The following HECW2 variants were observed in gnomAD, a reference collection of about 807,000 sequenced individuals.
The protein encoded by HECW2 is HECT, C2 and WW domain containing E3 ubiquitin protein ligase 2, also known as E3 ubiquitin-protein ligase HECW2.
Under a neutral mutation model 175.2 loss-of-function variants are expected in HECW2, and 61 were observed. That is an observed-to-expected ratio of 0.35 (90% CI 0.28 to 0.43). HECW2 has a LOEUF of 0.43. HECW2 is among the 20% of genes least tolerant of loss of function. HECW2 has a pLI of 1.00. For missense variants in HECW2, 1,524 were observed against 2,000.5 expected (o/e 0.76, Z 4.54); for synonymous variants, 671 against 731.0 (o/e 0.92, Z 1.32).
intron 1 of HECW2, among the ~76,000 whole-genome samples, chr2:196,460,381 C>G (rs13426873): frequency 6.6e-6 from 1 of 151,754 alleles, no homozygotes; most frequent in Non-Finnish European, 1.5e-5. Context: ...TCAATATTCA[C>G]CCTAATTAGA....
At chr2:196,202,656 A>C (rs552860595) in intron 28 of HECW2, among the ~76,000 whole-genome samples, 3 of 152,212 alleles carry the variant, frequency 2.0e-5, no homozygotes, top group African/African-American at 7.2e-5. Flanking sequence ...CCTTCAGTGA[A>C]TTGCCACAAA....
chr2:196,444,173 G>A (rs977564684), intron 1 of HECW2, among the ~76,000 whole-genome samples: 1 of 152,186 alleles, frequency 6.6e-6, no homozygotes, highest in Non-Finnish European at 1.5e-5. Flanking sequence ...TCTCTTTTGT[G>A]TGGAATACAT....
intron 1 of HECW2, among the ~76,000 whole-genome samples, chr2:196,434,628 G>A (rs116331417): frequency 5.4e-4 from 82 of 152,272 alleles, no homozygotes; most frequent in African/African-American, 1.9e-3. Flanking sequence ...GCTTTACATA[G>A]AATTGATCTG....
chr2:196,301,069 C>T (rs1386868433), intron 13 of HECW2, among the ~76,000 whole-genome samples: 1 of 152,058 alleles, frequency 6.6e-6, no homozygotes, highest in South Asian at 2.1e-4. Flanking sequence ...TGTTGTTCCC[C>T]GCCAGTGTCC....
intron 1 of HECW2, among the ~76,000 whole-genome samples, chr2:196,520,631 G>A (rs1046326394): frequency 2.0e-5 from 3 of 152,200 alleles, no homozygotes; most frequent in African/African-American, 7.2e-5. Context: ...AATATTGGAG[G>A]TTAGAAATGT....
intron 1 of HECW2, among the ~76,000 whole-genome samples, chr2:196,482,006 T>G (rs951039211): frequency 6.6e-6 from 1 of 152,206 alleles, no homozygotes; most frequent in Admixed American, 6.5e-5. Flanking sequence ...ATACATAATT[T>G]GCAGGGCTTA....
intron 1 of HECW2, among the ~76,000 whole-genome samples, chr2:196,558,891 A>G (rs1378667814): frequency 6.6e-6 from 1 of 152,212 alleles, no homozygotes; most frequent in Non-Finnish European, 1.5e-5. Flanking sequence ...AAAAACCTGT[A>G]TGGAATTGTT....
chr2:196,414,990 G>C (rs1695215692), intron 2 of HECW2, among the ~76,000 whole-genome samples: 1 of 152,096 alleles, frequency 6.6e-6, no homozygotes, highest in Admixed American at 6.6e-5. Context: ...AAGTACCCCT[G>C]CTGAGGCCCT....
chr2:196,576,410 G>A (rs1483237733), intron 1 of HECW2, among the ~76,000 whole-genome samples: 1 of 152,196 alleles, frequency 6.6e-6, no homozygotes, highest in Non-Finnish European at 1.5e-5. Context: ...CCTGCCATTT[G>A]TGACAACATG....
At chr2:196,310,644 T>C (rs1691458486) in intron 10 of HECW2, among the ~76,000 whole-genome samples, 2 of 152,230 alleles carry the variant, frequency 1.3e-5, no homozygotes, top group Admixed American at 1.3e-4. Context: ...TTCTTTCAGA[T>C]AGACAATGCT....
At chr2:196,585,516 T>A (rs747056248) in intron 1 of HECW2, among the ~76,000 whole-genome samples, 7 of 152,100 alleles carry the variant, frequency 4.6e-5, no homozygotes, top group Non-Finnish European at 1.0e-4. Flanking sequence ...TTAGGATGAG[T>A]TAGTTGAGCA....
chr2:196,293,581 G>C (rs904984994), intron 13 of HECW2, among the ~76,000 whole-genome samples: 13 of 152,170 alleles, frequency 8.5e-5, no homozygotes, highest in African/African-American at 2.9e-4. Flanking sequence ...TCTCCACACT[G>C]TTTTCCACAA....
chr2:196,453,329 G>A (rs1009808133), intron 1 of HECW2, among the ~76,000 whole-genome samples: 1 of 152,160 alleles, frequency 6.6e-6, no homozygotes, highest in Non-Finnish European at 1.5e-5. Flanking sequence ...TTGAAAGAAC[G>A]CAGCCAACTA....
intron 1 of HECW2, among the ~76,000 whole-genome samples, chr2:196,548,421 A>C (rs959011823): frequency 5.9e-5 from 9 of 152,158 alleles, no homozygotes; most frequent in African/African-American, 2.2e-4. Flanking sequence ...AAAACACCAA[A>C]AAAATAGTCA....
intron 2 of HECW2, among the ~76,000 whole-genome samples, chr2:196,357,467 A>C (rs2105872451): frequency 6.6e-6 from 1 of 152,032 alleles, no homozygotes; most frequent in African/African-American, 2.4e-5. Flanking sequence ...TTTTCCCCAC[A>C]CTCAATTTTA....
At position 196,443,989 on chromosome 2, in the gene HECW2, C is replaced by T. The variant is rs557018893; in HGVS notation, c.-35-10531G>A. ...GGTGGTAGTGGCAGTGAGCCGAGATCAGGCCACTACACTCCAGCCTGGGCA... is the reference window on the plus strand; with the variant it reads ...GGTGGTAGTGGCAGTGAGCCGAGATTAGGCCACTACACTCCAGCCTGGGCA... On this transcript the variant is annotated intron_variant, in intron 1 of 28. Coordinates refer to ENST00000644978, the MANE Select transcript of HECW2 (RefSeq NM_001348768.2). Among the ~76,000 whole-genome samples the T allele has an allele frequency of 2.5e-4, 38 of 152,250 alleles. No individual in the cohort carries two copies. In the South Asian group the frequency reaches 7.5e-3, roughly 30 times the overall value.
chr2:196,575,118 G>A (rs1330080317), intron 1 of HECW2, among the ~76,000 whole-genome samples: 94 of 116,956 alleles, frequency 8.0e-4, no homozygotes, highest in African/African-American at 2.8e-3. Context: ...CAAAGATCCC[G>A]AACAGACATT....
intron 1 of HECW2, among the ~76,000 whole-genome samples, chr2:196,467,650 C>T (rs933440741): frequency 2.6e-5 from 4 of 152,186 alleles, no homozygotes; most frequent in Non-Finnish European, 5.9e-5. Flanking sequence ...CCAGGTTAAA[C>T]TTGAAAAGTC....
intron 2 of HECW2, among the ~76,000 whole-genome samples, chr2:196,402,200 CAAAAAA>C (rs55851966): frequency 4.3e-5 from 3 of 70,388 alleles, no homozygotes; most frequent in Admixed American, 4.4e-4. Flanking sequence ...GACTCTGTCT[CAAAAAA>C]AAAAAAAAAA....
Sources: gnomAD v4.1 joint callset for allele counts (sites outside exome capture counted in the v4.1 genomes callset) on GRCh38, gnomAD v4.1.1 for gene constraint, MANE v1.5 for transcripts, NCBI Gene and HGNC (gene_info 2026-07-23, HGNC 2026-07-21) for gene names.